The following STPG2 variants were observed in gnomAD, a reference collection of about 807,000 sequenced individuals.
STPG2 encodes sperm-tail PG-rich repeat-containing protein 2.
Under a neutral mutation model 54.2 loss-of-function variants are expected in STPG2, and 56 were observed. The ratio of observed to expected loss-of-function variants is 1.03; its 90% CI spans 0.83 to 1.29. The LOEUF (loss-of-function observed/expected upper bound fraction) is 1.29, where lower values mean the gene tolerates loss of function less well. Among genes scored for constraint, STPG2 ranks in the 50% most tolerant of loss-of-function variants. STPG2 has a pLI of 0.00. For missense variants in STPG2, 596 were observed against 544.9 expected (o/e 1.09, Z -0.93); for synonymous variants, 200 against 181.8 (o/e 1.10, Z -0.81).
In STPG2 at chr4:97,981,189, T is replaced by A. The variant is rs1057220396; in HGVS notation, c.742A>T (p.Thr248Ser). 40 of 1,614,016 alleles carry A rather than the reference T, an allele frequency of 2.5e-5. No homozygotes were observed. The highest frequency in any genetic ancestry group is 2.5e-5 in the Non-Finnish European group (30 of 1,179,946). Residue 248 changes from threonine (T) to serine (S), a missense_variant, in exon 6 of 11, where the codon ACA becomes TCA. Transcript: ENST00000295268. ...ATTTCCTCTGTCCTGATGTCCTGTG[T>A]GAATCGAACAGCACTTTGACCAAAT... ...IPFGQSAVRF[T>S]QDIRTEEMPG...
chr4:98,088,392 A>C (rs1022333168), intron 5 of STPG2, among the ~76,000 whole-genome samples: 1 of 152,102 alleles, frequency 6.6e-6, no homozygotes, highest in African/African-American at 2.4e-5. Flanking sequence ...TATTTTTTCT[A>C]ATTGTTTCCT....
intron 9 of STPG2, among the ~76,000 whole-genome samples, chr4:97,794,647 G>A (rs1046497676): frequency 6.6e-6 from 1 of 152,040 alleles, no homozygotes; most frequent in African/African-American, 2.4e-5. Context: ...GTGCAGCATT[G>A]TCTAGCTGCA....
intron 10 of STPG2, among the ~76,000 whole-genome samples, chr4:97,637,294 G>C (rs1457940975): frequency 6.6e-6 from 1 of 152,224 alleles, no homozygotes; most frequent in African/African-American, 2.4e-5. Flanking sequence ...ATTCAACAAT[G>C]CTTCATGCTA....
Position 97,988,026 on chromosome 4 carries a change from TCACACACACACACACA to T in STPG2, c.613-6724_613-6709del, listed in dbSNP as rs3047311. 1.6e-3 allele frequency among the ~76,000 whole-genome samples: 228 copies of T among 141,706 alleles called. 1 individual carries two copies. The highest frequency in any genetic ancestry group is 5.8e-3 in the African/African-American group (222 of 37,976). 93.0% of individuals were successfully genotyped at this position (141,706 alleles called of 152,430 possible). On this transcript the variant is annotated intron_variant, in intron 5 of 10. Transcript: ENST00000295268. ...TCAAATCCTTAATATGGTCTGAATG[TCACACACACACACACA>T]CACACACACACACACACACACACAT...
chr4:98,074,402 T>C (rs987134343), intron 5 of STPG2, among the ~76,000 whole-genome samples: 3 of 152,202 alleles, frequency 2.0e-5, no homozygotes, highest in African/African-American at 7.2e-5. Context: ...TGTGCCTTCA[T>C]GGGGTTTATT....
intron 4 of STPG2, among the ~76,000 whole-genome samples, chr4:97,468,099 C>T (rs1169302286): frequency 6.6e-6 from 1 of 151,764 alleles, no homozygotes; most frequent in Non-Finnish European, 1.5e-5. Context: ...GTTTAAACAA[C>T]AAAAAGTAAA....
chr4:97,976,895 A>T (rs1206574010), intron 6 of STPG2, among the ~76,000 whole-genome samples: 2 of 152,190 alleles, frequency 1.3e-5, no homozygotes, highest in African/African-American at 2.4e-5. Context: ...TAACTGGGCC[A>T]CTCAATAAGT....
chr4:98,058,535 A>G (rs1163682661), intron 5 of STPG2, among the ~76,000 whole-genome samples: 3 of 152,238 alleles, frequency 2.0e-5, no homozygotes, highest in Non-Finnish European at 2.9e-5. Flanking sequence ...CAGGTACCCA[A>G]TGCAAGAGCA....
chr4:97,619,160 T>C (rs572368184), intron 10 of STPG2, among the ~76,000 whole-genome samples: 13 of 152,268 alleles, frequency 8.5e-5, no homozygotes, highest in African/African-American at 2.6e-4. Context: ...TGTTTTTGCA[T>C]AAATGTCAAA....
At chr4:98,122,408 G>A (rs1434425921) in intron 3 of STPG2, among the ~76,000 whole-genome samples, 1 of 152,118 alleles carries the variant, frequency 6.6e-6, no homozygotes, top group Non-Finnish European at 1.5e-5. Flanking sequence ...TAACATGAAA[G>A]GATGTTGAAT....
chr4:97,756,014 T>C (rs771637520), intron 9 of STPG2, among the ~76,000 whole-genome samples: 26 of 152,128 alleles, frequency 1.7e-4, no homozygotes, highest in Non-Finnish European at 3.2e-4. Flanking sequence ...ATTGGACCAA[T>C]CAAAATTATC....
At chr4:97,676,594 G>C (rs1025904945) in intron 10 of STPG2, among the ~76,000 whole-genome samples, 1 of 140,746 alleles carries the variant, frequency 7.1e-6, no homozygotes, top group Admixed American at 7.0e-5. Flanking sequence ...AGGGAGGGAG[G>C]GAGGGGGGAT....
chr4:97,964,168 C>T (rs1734002590), intron 7 of STPG2, among the ~76,000 whole-genome samples: 2 of 152,130 alleles, frequency 1.3e-5, no homozygotes, highest in South Asian at 4.1e-4. Context: ...TTCCTCATGG[C>T]ATAACAAACA....
intron 7 of STPG2, among the ~76,000 whole-genome samples, chr4:97,965,567 G>A (rs779492530): frequency 9.2e-5 from 14 of 152,242 alleles, no homozygotes; most frequent in Middle Eastern, 6.8e-3. Context: ...CCACGTAGAC[G>A]AACTAGGAGA....
intron 10 of STPG2, among the ~76,000 whole-genome samples, chr4:97,701,293 G>A (rs560370525): frequency 6.6e-6 from 1 of 152,166 alleles, no homozygotes; most frequent in East Asian, 1.9e-4. Context: ...GGGACCCACT[G>A]GACCCACTGT....
At chr4:97,611,627 T>C (rs1031166736) in intron 10 of STPG2, among the ~76,000 whole-genome samples, 12 of 151,726 alleles carry the variant, frequency 7.9e-5, no homozygotes, top group Non-Finnish European at 1.8e-4. Context: ...AAATAAGGTG[T>C]CAAAAGTAAT....
intron 8 of STPG2, among the ~76,000 whole-genome samples, chr4:97,865,085 G>C (rs554039087): frequency 6.6e-6 from 1 of 152,212 alleles, no homozygotes; most frequent in Admixed American, 6.5e-5. Flanking sequence ...AGCCAAAATT[G>C]ACAAATGGGA....
At chr4:97,476,669 G>A (rs929513981) in intron 4 of STPG2, among the ~76,000 whole-genome samples, 2 of 152,050 alleles carry the variant, frequency 1.3e-5, no homozygotes, top group African/African-American at 4.8e-5. Context: ...TCTTTAAATT[G>A]TTTTAATGTG....
intron 5 of STPG2, among the ~76,000 whole-genome samples, chr4:98,000,725 C>G (rs1310161302): frequency 6.6e-6 from 1 of 152,044 alleles, no homozygotes; most frequent in Admixed American, 6.6e-5. Flanking sequence ...TGAAAATTAA[C>G]TTTGTATTAA....
Sources: gnomAD v4.1 joint callset for allele counts (sites outside exome capture counted in the v4.1 genomes callset) on GRCh38, gnomAD v4.1.1 for gene constraint, MANE v1.5 for transcripts, NCBI Gene and HGNC (gene_info 2026-07-23, HGNC 2026-07-21) for gene names.